Variants in JAK2 observed in about 807,000 individuals in gnomAD.
The protein encoded by JAK2 is Janus kinase 2.
JAK2 carries 86 observed loss-of-function variants against 139.3 expected under a neutral mutation model. That is an observed-to-expected ratio of 0.62 (90% CI 0.52 to 0.74). JAK2 has a LOEUF of 0.74. Among genes scored for constraint, JAK2 ranks in the 30% least tolerant of loss-of-function variants. The probability of loss-of-function intolerance (pLI) is 0.00; values close to 1 mark genes in which losing one functional copy is unlikely to be tolerated. For synonymous variants in JAK2, 490 were observed against 437.7 expected (o/e 1.12, Z -1.49); for missense variants, 1,421 against 1,360.3 (o/e 1.04, Z -0.70).
In JAK2 at chr9:5,054,515, C is replaced by T. The variant is rs751806911; in HGVS notation, c.615-48C>T. ...TTTTTCAATTTTTAGATTTATCTTC[C>T]AATTTTTGTTTTGTTTTGTTTTTCT... On this transcript the variant is annotated intron_variant, in intron 6 of 24. Coordinates refer to ENST00000381652, the MANE Select transcript of JAK2 (RefSeq NM_004972.4). The surrounding 1 kb of genome is among the most constrained non-coding windows in gnomAD (Gnocchi z 4.9). The T allele has an allele frequency of 5.6e-6, 8 of 1,426,802 alleles. No homozygotes were observed. The highest frequency in any genetic ancestry group is 7.6e-6 in the Non-Finnish European group (8 of 1,051,552). 88.4% of individuals were successfully genotyped at this position (1,426,802 alleles called of 1,614,324 possible). A position where few individuals can be genotyped will look rare whatever the true frequency, so the allele number is the denominator to read the frequency against.
chr9:5,094,385 TTATTCTAGC>T (rs942920217), intron 22 of JAK2: 18 of 152,194 alleles, frequency 1.2e-4, no homozygotes, highest in African/African-American at 4.3e-4. Context: ...GGCCTCTTAT[TTATTCTAGC>T]CACATCAAGC....
chr9:5,081,912 A>C, intron 19 of JAK2, 51 bp downstream of exon 19: 1 of 1,456,584 alleles, frequency 6.9e-7, no homozygotes, highest in Non-Finnish European at 9.6e-7. Flanking sequence ...CATTTAGGAA[A>C]AACTTAAGAG....
intron 2 of JAK2, among the ~76,000 whole-genome samples, chr9:4,990,252 A>G (rs528955407): frequency 4.1e-4 from 63 of 152,194 alleles, no homozygotes; most frequent in Non-Finnish European, 6.9e-4. Context: ...ATCTAAGTCT[A>G]TATGTTTTGT....
At chr9:5,040,677 A>G (rs1816418999) in intron 4 of JAK2, among the ~76,000 whole-genome samples, 1 of 152,272 alleles carries the variant, frequency 6.6e-6, no homozygotes. Context: ...TTTTCCAAAT[A>G]AGATATACAA....
chr9:5,114,847 G>C, intron 22 of JAK2: 1 of 240,118 alleles, frequency 4.2e-6, no homozygotes, highest in Non-Finnish European at 8.3e-6. Context: ...CTGTCCAGCT[G>C]TGTGGTGGGA....
Position 5,077,436 on chromosome 9 carries a change from C to T in JAK2, c.1865-17C>T. The T allele has an allele frequency of 7.4e-6, 7 of 945,086 alleles. No individual in the cohort carries two copies. Among genetic ancestry groups the T allele is most frequent in the Non-Finnish European group, 1.0e-5 (7 of 681,740 alleles). The allele number at this position is 945,086 out of a possible 1,614,324, so 58.5% of individuals were successfully genotyped here. On this transcript the variant is annotated splice_polypyrimidine_tract_variant and intron_variant, in intron 14 of 24. Transcript: ENST00000381652. ...TTATACTTAAGCCTTATTATTATTACTTATATTTTAATGCAGATATTCTGG... is the reference window on the plus strand; with the variant it reads ...TTATACTTAAGCCTTATTATTATTATTTATATTTTAATGCAGATATTCTGG...
intron 12 of JAK2, 86 bp downstream of exon 12, chr9:5,070,138 A>G: frequency 1.1e-6 from 1 of 945,280 alleles, no homozygotes; most frequent in Non-Finnish European, 1.5e-6. Context: ...TGACATTGGA[A>G]TTATTTTGTT....
At chr9:5,083,040 G>T (rs1034638202) in intron 19 of JAK2, among the ~76,000 whole-genome samples, 1 of 152,178 alleles carries the variant, frequency 6.6e-6, no homozygotes, top group Non-Finnish European at 1.5e-5. Flanking sequence ...TAATGTGCAT[G>T]AACATCTTCA....
intron 19 of JAK2, among the ~76,000 whole-genome samples, chr9:5,088,430 A>G (rs1273689212): frequency 6.6e-6 from 1 of 152,250 alleles, no homozygotes; most frequent in Non-Finnish European, 1.5e-5. Context: ...AAAATACACT[A>G]ATTTGATTAA....
chr9:5,107,510 T>C (rs1822061576), intron 22 of JAK2, among the ~76,000 whole-genome samples: 1 of 152,162 alleles, frequency 6.6e-6, no homozygotes, highest in Non-Finnish European at 1.5e-5. Flanking sequence ...ATACTAGTTA[T>C]CATTTTAATC....
At chr9:5,038,536 A>ATGT (rs1282806762) in intron 4 of JAK2, among the ~76,000 whole-genome samples, 2 of 152,168 alleles carry the variant, frequency 1.3e-5, no homozygotes, top group Non-Finnish European at 2.9e-5. Context: ...CGAATCCAGC[A>ATGT]ATACAGCTTG....
chr9:5,085,966 CACT>C lies in JAK2; in HGVS notation c.2572-3707_2572-3705del, dbSNP rs1563989225. ...TTGAAAGGATCGGTGTATTTCTCAC[CACT>C]GTGTGTTTTGCTGTACGGGGTTGTG... On this transcript the variant is annotated intron_variant, in intron 19 of 24. Transcript: ENST00000381652. The C allele has an allele frequency of 5.5e-6, 6 of 1,098,802 alleles. No individual in the cohort carries two copies. The Admixed American group carries it at 6.8e-5, about 12-fold the overall frequency. The allele number at this position is 1,098,802 out of a possible 1,614,324, so 68.1% of individuals were successfully genotyped here. A position where few individuals can be genotyped will look rare whatever the true frequency, so the allele number is the denominator to read the frequency against.
Position 5,054,972 on chromosome 9 carries a change from T to C in JAK2, c.936+88T>C. 2 of 926,900 alleles carry C rather than the reference T, an allele frequency of 2.2e-6. No homozygotes were observed. Among genetic ancestry groups the C allele is most frequent in the Non-Finnish European group, 3.2e-6 (2 of 625,716 alleles). The allele number at this position is 926,900 out of a possible 1,614,324, so 57.4% of individuals were successfully genotyped here. A position where few individuals can be genotyped will look rare whatever the true frequency, so the allele number is the denominator to read the frequency against. On this transcript the variant is annotated intron_variant, in intron 7 of 24. Transcript: ENST00000381652. This position sits in a 1 kb window ranked among gnomAD's most constrained non-coding sequence, Gnocchi z 4.9. ...GTAATTTTAATCATTTGCAACATGG[T>C]ATTGCACTTCTCCCATTTGATAGAA...
At chr9:5,005,651 G>A (rs1472163471) in intron 2 of JAK2, among the ~76,000 whole-genome samples, 3 of 151,914 alleles carry the variant, frequency 2.0e-5, no homozygotes, top group African/African-American at 7.3e-5. Context: ...ACATATTTTG[G>A]TATCATGTTT....
chr9:5,043,123 C>G (rs1816735749), intron 4 of JAK2, among the ~76,000 whole-genome samples: 1 of 152,228 alleles, frequency 6.6e-6, no homozygotes, highest in South Asian at 2.1e-4. Context: ...AGCCCCCGAC[C>G]CAGCCCCGCA....
chr9:5,073,725 A>G lies in JAK2; in HGVS notation c.1804A>G (p.Ser602Gly). Residue 602 changes from serine to glycine, a missense_variant, in exon 14 of 25, where the codon AGC (serine) becomes GGC (glycine). Physicochemically the swap from Ser to Gly is moderately conservative, Grantham distance 56. Coordinates refer to ENST00000381652, the MANE Select transcript of JAK2 (RefSeq NM_004972.4). ...TTTCTTTGAAGCAGCAAGTATGATG[A>G]GCAAGCTTTCTCACAAGCATTTGGT... ...ESFFEAASMMSKLSHKHLVLN... is the reference protein window; with the variant it reads ...ESFFEAASMMGKLSHKHLVLN... 1 of 1,612,292 alleles carries G rather than the reference A, an allele frequency of 6.2e-7. No homozygotes were observed. Among genetic ancestry groups the G allele is most frequent in the Non-Finnish European group, 8.5e-7 (1 of 1,179,012 alleles).
chr9:5,013,615 T>C (rs1384161163), intron 2 of JAK2, among the ~76,000 whole-genome samples: 1 of 152,200 alleles, frequency 6.6e-6, no homozygotes, highest in African/African-American at 2.4e-5. Flanking sequence ...TTTGCATGCT[T>C]TTCTCCCTGC....
At position 5,085,741 on chromosome 9, in the gene JAK2, C is replaced by T. The variant is rs567073281; in HGVS notation, c.2571+3880C>T. ...ATCATTTCTGCAATTAAGGCTGTGG[C>T]GCGCTGGCTAGCTTGCACATGTCGG... On this transcript the variant is annotated intron_variant, in intron 19 of 24. Transcript: ENST00000381652. 692 of 752,716 alleles carry T rather than the reference C, an allele frequency of 9.2e-4. 8 individuals are homozygous for T. Among genetic ancestry groups the T allele is most frequent in the South Asian group, 8.8e-3 (632 of 71,870 alleles). 46.6% of individuals were successfully genotyped at this position (752,716 alleles called of 1,614,324 possible).
intron 19 of JAK2, among the ~76,000 whole-genome samples, chr9:5,088,398 C>G (rs1267037820): frequency 1.3e-5 from 2 of 152,256 alleles, no homozygotes; most frequent in Non-Finnish European, 1.5e-5. Flanking sequence ...TTGTTTTATC[C>G]TGTAAGAATG....
Sources: allele counts gnomAD v4.1 joint callset (sites outside exome capture counted in the v4.1 genomes callset), GRCh38; gene constraint gnomAD v4.1.1; non-coding constraint Gnocchi (gnomAD v3.1); transcripts MANE v1.5; gene names NCBI Gene and HGNC (gene_info 2026-07-23, HGNC 2026-07-21).